MRC2: variants seen among roughly 807,000 people sequenced by gnomAD.
The protein encoded by MRC2 is C-type mannose receptor 2.
MRC2 carries 84 observed loss-of-function variants against 206.2 expected under a neutral mutation model. That is an observed-to-expected ratio of 0.41 (90% CI 0.34 to 0.49). The LOEUF is 0.49. Ranked by LOEUF, MRC2 falls within the 20% of genes least tolerant of loss-of-function variation. The pLI, the probability that MRC2 is intolerant of heterozygous loss-of-function variation, is 0.31. For synonymous variants in MRC2, 798 were observed against 800.0 expected, an observed-to-expected ratio of 1.00 and a Z score of 0.04; for missense variants, 1,676 against 2,001.5, an observed-to-expected ratio of 0.84 and a Z score of 3.10.
chr17:62,668,670 A>G (rs1358802566), intron 6 of MRC2, among the ~76,000 whole-genome samples: 1 of 152,196 alleles, frequency 6.6e-6, no homozygotes, highest in Non-Finnish European at 1.5e-5. Context: ...CAGTCTCTGC[A>G]GGGTCTTGGC....
intron 6 of MRC2, among the ~76,000 whole-genome samples, chr17:62,670,743 G>C (rs749085900): frequency 2.6e-5 from 4 of 152,160 alleles, no homozygotes; most frequent in Non-Finnish European, 5.9e-5. Flanking sequence ...AGTCCCAGCT[G>C]GGGGATGGGG....
chr17:62,671,863 T>C lies in MRC2; in HGVS notation c.1306+26T>C, dbSNP rs763078678. 3 of 1,586,608 alleles carry C rather than the reference T, an allele frequency of 1.9e-6. No homozygotes were observed. Among genetic ancestry groups the C allele is most frequent in the African/African-American group, 2.7e-5 (2 of 74,466 alleles). On this transcript the variant is annotated intron_variant, in intron 7 of 29. Transcript: ENST00000303375. This position sits in a 1 kb window ranked among gnomAD's most constrained non-coding sequence, Gnocchi z 4.5. ...GTGAGGAGCTGCCCGCCCACGTGTC[T>C]GGGTGGAGGGCAGGGCCTCCCACTG...
chr17:62,670,694 G>A (rs1234415938), intron 6 of MRC2, among the ~76,000 whole-genome samples: 3 of 152,226 alleles, frequency 2.0e-5, no homozygotes, highest in Non-Finnish European at 4.4e-5. Flanking sequence ...GGATTTCTCA[G>A]CCCTGGGGTT....
At chr17:62,691,891 C>T (rs377078388) in intron 28 of MRC2, among the ~76,000 whole-genome samples, 1 of 152,164 alleles carries the variant, frequency 6.6e-6, no homozygotes, top group African/African-American at 2.4e-5. Context: ...GGGCTGAGAC[C>T]TAGCTGAGTG....
At chr17:62,645,818 G>A (rs1048834934) in intron 1 of MRC2, among the ~76,000 whole-genome samples, 1 of 151,418 alleles carries the variant, frequency 6.6e-6, no homozygotes, top group African/African-American at 2.4e-5. Context: ...GGGATTACAG[G>A]TGTGAGCCAC....
Position 62,690,896 on chromosome 17 carries a change from A to G in MRC2, c.4013-53A>G. 14 of 1,514,538 alleles carry G rather than the reference A, an allele frequency of 9.2e-6. No individual in the cohort carries two copies. The South Asian group carries it at 1.8e-4, about 20-fold the overall frequency. The allele number at this position is 1,514,538 out of a possible 1,614,324, so 93.8% of individuals were successfully genotyped here. A position where few individuals can be genotyped will look rare whatever the true frequency, so the allele number is the denominator to read the frequency against. On this transcript the variant is annotated intron_variant, in intron 27 of 29. Transcript: ENST00000303375. ...TTCTAGAACACACCTGCTCTCCTCC[A>G]CCTACTCCTGCCCCACCTTGTCCCT...
At chr17:62,669,359 C>T (rs1375461269) in intron 6 of MRC2, among the ~76,000 whole-genome samples, 8 of 151,792 alleles carry the variant, frequency 5.3e-5, no homozygotes, top group Admixed American at 2.0e-4. Context: ...GGATTACAGG[C>T]GGGCATCACT....
chr17:62,689,875 C>T lies in MRC2; in HGVS notation c.3574-19C>T, dbSNP rs2089082689. ...CCTGACTATTCCCTTCCTCCCACCC[C>T]ATGGCCCCCCATGCCCAGGGCTCTC... On this transcript the variant is annotated intron_variant, in intron 24 of 29. Coordinates refer to ENST00000303375, the MANE Select transcript of MRC2 (RefSeq NM_006039.5). 6.3e-7 allele frequency: 1 copy of T among 1,575,940 alleles called. No homozygotes were observed. The highest frequency in any genetic ancestry group is 8.6e-7 in the Non-Finnish European group (1 of 1,161,326).
Position 62,688,547 on chromosome 17 carries a change from T to C in MRC2, c.3108T>C (p.Ile1036=). The part of the protein sequence containing the change: ...SLPNVTFDLW[I]GLHASQRDFQ... ...CCAATGTGACCTTTGACCTTTGGATTGGCCTCCATGCCTCGCAGAGGGACT... is the reference window on the plus strand; with the variant it reads ...CCAATGTGACCTTTGACCTTTGGATCGGCCTCCATGCCTCGCAGAGGGACT... Residue 1036 remains isoleucine, a synonymous_variant, in exon 22 of 30, where the codon ATT becomes ATC. Transcript: ENST00000303375. The C allele has an allele frequency of 6.2e-7, 1 of 1,614,250 alleles. No homozygotes were observed. Among genetic ancestry groups the C allele is most frequent in the African/African-American group, 1.3e-5 (1 of 75,076 alleles).
In MRC2 at chr17:62,666,091, C is replaced by G; in HGVS notation, c.521-3C>G. The G allele has an allele frequency of 2.5e-6, 4 of 1,583,416 alleles. No homozygotes were observed. Among genetic ancestry groups the G allele is most frequent in the Non-Finnish European group, 3.4e-6 (4 of 1,164,170 alleles). The stretch of plus-strand genomic sequence containing the variant: ...GGGCCTGGCCCCTGTCCACCCCCTG[C>G]AGAGGTCTACACCATCCAGGGAAAC... On this transcript the variant is annotated splice_region_variant and splice_polypyrimidine_tract_variant and intron_variant, in intron 2 of 29. Coordinates refer to ENST00000303375, the MANE Select transcript of MRC2 (RefSeq NM_006039.5). The surrounding 1 kb of genome is among the most constrained non-coding windows in gnomAD (Gnocchi z 5.0).
intron 1 of MRC2, among the ~76,000 whole-genome samples, chr17:62,653,726 T>C (rs1034302884): frequency 1.3e-4 from 20 of 151,046 alleles, no homozygotes; most frequent in African/African-American, 4.9e-4. Flanking sequence ...CTGGCTGGGA[T>C]GGAGGGGCTG....
At chr17:62,641,615 C>T (rs2088405152) in intron 1 of MRC2, among the ~76,000 whole-genome samples, 2 of 152,064 alleles carry the variant, frequency 1.3e-5, no homozygotes, top group South Asian at 4.1e-4. Context: ...GTAGCAAAAA[C>T]AAAAATGTAC....
At chr17:62,690,345 G>A (rs1203483653) in intron 26 of MRC2, 40 bp downstream of exon 26, 3 of 1,574,094 alleles carry the variant, frequency 1.9e-6, no homozygotes, top group Non-Finnish European at 2.6e-6. Flanking sequence ...GCGGGCAGGT[G>A]GCACCTCCTC....
In MRC2 at chr17:62,671,653, G is replaced by GTGCA. The variant is rs758965031; in HGVS notation, c.1124_1125insCATG (p.Trp375CysfsTer81). On this transcript the variant is annotated frameshift_variant, in exon 7 of 30. Coordinates refer to ENST00000303375, the MANE Select transcript of MRC2 (RefSeq NM_006039.5). LOFTEE classifies it high-confidence loss of function. The surrounding 1 kb of genome is among the most constrained non-coding windows in gnomAD (Gnocchi z 4.5). ...CAGCCTCATGGGTCTCTGCAGACAGGTGGGCCAATGTGAAGGTGGAGTGCG... is the reference window on the plus strand; with the variant it reads ...CAGCCTCATGGGTCTCTGCAGACAGGTGCATGGGCCAATGTGAAGGTGGAGTGCG... 6.3e-7 allele frequency: 1 copy of GTGCA among 1,580,316 alleles called. No individual in the cohort carries two copies. The highest frequency in any genetic ancestry group is 8.6e-7 in the Non-Finnish European group (1 of 1,161,104).
At position 62,666,626 on chromosome 17, in the gene MRC2, CG is replaced by C; in HGVS notation, c.859+11del. On this transcript the variant is annotated splice_region_variant and intron_variant, in intron 4 of 29. Transcript: ENST00000303375. This position sits in a 1 kb window ranked among gnomAD's most constrained non-coding sequence, Gnocchi z 5.0. The stretch of plus-strand genomic sequence containing the variant: ...GAGCAGACCTACATCAACGGTGAGC[CG>C]GGGCCTGATGCCTGCTCGTGCCTCT... 6.7e-7 allele frequency: 1 copy of C among 1,487,736 alleles called. No individual in the cohort carries two copies. Among genetic ancestry groups the C allele is most frequent in the Non-Finnish European group, 9.0e-7 (1 of 1,106,856 alleles). The allele number at this position is 1,487,736 out of a possible 1,614,324, so 92.2% of individuals were successfully genotyped here.
At chr17:62,656,746 G>A (rs1212341982) in intron 1 of MRC2, among the ~76,000 whole-genome samples, 1 of 152,148 alleles carries the variant, frequency 6.6e-6, no homozygotes, top group East Asian at 1.9e-4. Context: ...ATGCAGACAA[G>A]CTAATTAAAA....
chr17:62,635,772 A>T (rs1000986865), intron 1 of MRC2, among the ~76,000 whole-genome samples: 13 of 151,784 alleles, frequency 8.6e-5, no homozygotes, highest in African/African-American at 3.1e-4. Flanking sequence ...CAACATAACA[A>T]GACCCTGTGT....
At chr17:62,658,288 G>A (rs2088641039) in intron 1 of MRC2, among the ~76,000 whole-genome samples, 1 of 152,168 alleles carries the variant, frequency 6.6e-6, no homozygotes, top group Non-Finnish European at 1.5e-5. Context: ...GCGAGGGGAG[G>A]GACGGTGCTG....
chr17:62,639,867 T>A (rs543138495), intron 1 of MRC2, among the ~76,000 whole-genome samples: 1 of 152,246 alleles, frequency 6.6e-6, no homozygotes, highest in South Asian at 2.1e-4. Flanking sequence ...GATTCTTTTT[T>A]TTTGAGACAG....
Sources: allele counts gnomAD v4.1 joint callset (sites outside exome capture counted in the v4.1 genomes callset), GRCh38; gene constraint gnomAD v4.1.1; non-coding constraint Gnocchi (gnomAD v3.1); transcripts MANE v1.5; gene names NCBI Gene and HGNC (gene_info 2026-07-23, HGNC 2026-07-21).